Variants in ENTPD1 observed in about 807,000 individuals in gnomAD.
ENTPD1 encodes the protein ATP diphosphohydrolase.
ENTPD1 carries 33 observed loss-of-function variants against 57.0 expected under a neutral mutation model. The observed-to-expected ratio is 0.58, with a 90% CI of 0.44 to 0.77. The LOEUF (loss-of-function observed/expected upper bound fraction) is 0.77, where lower values mean the gene tolerates loss of function less well. ENTPD1 is among the 30% of genes least tolerant of loss of function. The pLI, the probability that ENTPD1 is intolerant of heterozygous loss-of-function variation, is 0.00. For synonymous variants in ENTPD1, 202 were observed against 218.8 expected, an observed-to-expected ratio of 0.92 and a Z score of 0.68; for missense variants, 501 against 603.4, an observed-to-expected ratio of 0.83 and a Z score of 1.78.
At chr10:95,737,555 T>C (rs562361632) in intron 1 of ENTPD1, among the ~76,000 whole-genome samples, 1 of 152,072 alleles carries the variant, frequency 6.6e-6, no homozygotes, top group African/African-American at 2.4e-5. Context: ...TGGCTAATTT[T>C]TTTGTATTTT....
chr10:95,710,115 C>A (rs1250569412), upstream of ENTPD1, among the ~76,000 whole-genome samples: 2 of 150,300 alleles, frequency 1.3e-5, no homozygotes, highest in African/African-American at 2.4e-5. Context: ...TTTATAATAA[C>A]CATGATAGGC....
chr10:95,871,717 C>T lies in ENTPD1; in HGVS notation c.*5334C>T. 1.0e-6 allele frequency: 1 copy of T among 985,336 alleles called. No homozygotes were observed. Among genetic ancestry groups the T allele is most frequent in the Non-Finnish European group, 1.2e-6 (1 of 829,838 alleles). The allele number at this position is 985,336 out of a possible 1,614,324, so 61.0% of individuals were successfully genotyped here. A position where few individuals can be genotyped will look rare whatever the true frequency, so the allele number is the denominator to read the frequency against. On this transcript the variant is annotated 3_prime_UTR_variant, in exon 10 of 10. Coordinates refer to ENST00000371205, the MANE Select transcript of ENTPD1 (RefSeq NM_001776.6). ...ATAAATTGACACTATAATCAACTGA[C>T]ACCATGATCAGTGATGATGATCACC...
Position 95,711,812 on chromosome 10 carries a change from T to C in ENTPD1, c.-145T>C, listed in dbSNP as rs2097965809. ...GTAAAATTATGATCAAATAAATTTG[T>C]ATGCCTTTTCTCCTATTAACCTGCC... is the stretch of plus-strand genomic sequence containing the variant. On this transcript the variant is annotated 5_prime_UTR_variant, in exon 1 of 10. Coordinates refer to the ENTPD1 transcript ENST00000453258. 3.7e-6 allele frequency: 4 copies of C among 1,081,380 alleles called. No individual in the cohort carries two copies. The East Asian group carries it at 7.2e-5, about 20-fold the overall frequency. 67.0% of individuals were successfully genotyped at this position (1,081,380 alleles called of 1,614,324 possible). A position where few individuals can be genotyped will look rare whatever the true frequency, so the allele number is the denominator to read the frequency against.
chr10:95,787,038 A>G (rs1397108503), intron 1 of ENTPD1, among the ~76,000 whole-genome samples: 1 of 152,190 alleles, frequency 6.6e-6, no homozygotes, highest in Non-Finnish European at 1.5e-5. Context: ...CAGAGCTAGT[A>G]ACCTCGAGGT....
chr10:95,710,428 C>T (rs192566007), upstream of ENTPD1, among the ~76,000 whole-genome samples: 20 of 152,066 alleles, frequency 1.3e-4, no homozygotes, highest in Admixed American at 1.2e-3. Flanking sequence ...TAATGATACT[C>T]ATGATTAAAA....
intron 1 of ENTPD1, among the ~76,000 whole-genome samples, chr10:95,803,724 A>T (rs2098260373): frequency 6.6e-6 from 1 of 152,132 alleles, no homozygotes; most frequent in African/African-American, 2.4e-5. Flanking sequence ...CCATTTGTCC[A>T]TTTTGGCTTT....
intron 1 of ENTPD1, among the ~76,000 whole-genome samples, chr10:95,774,112 G>T (rs1433919858): frequency 4.6e-5 from 7 of 152,274 alleles, no homozygotes; most frequent in African/African-American, 1.7e-4. Context: ...TAATGTGTCT[G>T]TTGGCTGCAT....
chr10:95,861,026 C>A (rs994692175), intron 8 of ENTPD1, among the ~76,000 whole-genome samples: 3 of 152,234 alleles, frequency 2.0e-5, no homozygotes, highest in Non-Finnish European at 4.4e-5. Context: ...ACTCAGCAGT[C>A]TTCCCCTTAT....
At chr10:95,761,983 C>T (rs1001546073) in intron 1 of ENTPD1, among the ~76,000 whole-genome samples, 1 of 151,928 alleles carries the variant, frequency 6.6e-6, no homozygotes, top group African/African-American at 2.4e-5. Flanking sequence ...CAGAGAGAAC[C>T]GATGGAATTT....
At chr10:95,766,528 C>T (rs1353390379) in intron 1 of ENTPD1, among the ~76,000 whole-genome samples, 4 of 152,052 alleles carry the variant, frequency 2.6e-5, no homozygotes, top group Non-Finnish European at 5.9e-5. Flanking sequence ...GTCTATTTAC[C>T]TCTACTCATA....
rs931399996 is a variant in ENTPD1, at chr10:95,869,809, G to A, written c.*3426G>A. ...CAACTAAATCCAAAATACTATCAAG[G>A]AATCAATATAAAAATTGTTAATATT... On this transcript the variant is annotated 3_prime_UTR_variant, in exon 10 of 10. Transcript: ENST00000371205. The A allele has an allele frequency of 2.2e-4, 157 of 710,716 alleles. No individual in the cohort carries two copies. Among genetic ancestry groups the A allele is most frequent in the Middle Eastern group, 7.4e-4 (1 of 1,354 alleles). The allele number at this position is 710,716 out of a possible 1,614,324, so 44.0% of individuals were successfully genotyped here.
chr10:95,729,762 T>TA (rs962834996), intron 1 of ENTPD1, among the ~76,000 whole-genome samples: 6 of 152,212 alleles, frequency 3.9e-5, no homozygotes, highest in African/African-American at 1.4e-4. Context: ...GTGGTACATT[T>TA]AAAAACAATC....
In ENTPD1 at chr10:95,827,445, ACT is replaced by A. The variant is rs371460180; in HGVS notation, c.144+4084_144+4085del. Among the ~76,000 whole-genome samples, 115 of 149,734 alleles carry A rather than the reference ACT, an allele frequency of 7.7e-4. 2 individuals are homozygous for A. The East Asian group carries it at 0.019, about 25-fold the overall frequency. The stretch of plus-strand genomic sequence containing the variant: ...ACTCTAGCCTGGGTGACAGAGCAAG[ACT>A]CTGTCTCAAAAAAAAAAAAATTTCG... On this transcript the variant is annotated intron_variant, in intron 2 of 9. Transcript: ENST00000371205.
intron 4 of ENTPD1, 78 bp downstream of exon 4, chr10:95,842,572 G>T: frequency 1.3e-6 from 2 of 1,506,358 alleles, no homozygotes; most frequent in Non-Finnish European, 9.0e-7. Flanking sequence ...TATGGGAAAG[G>T]GCCACACTCC....
At chr10:95,730,602 A>G (rs533527105) in intron 1 of ENTPD1, among the ~76,000 whole-genome samples, 1 of 152,360 alleles carries the variant, frequency 6.6e-6, no homozygotes, top group African/African-American at 2.4e-5. Flanking sequence ...TAGAATGCAG[A>G]TTTTTGGTGA....
At chr10:95,731,681 C>T (rs1566093284) in intron 1 of ENTPD1, among the ~76,000 whole-genome samples, 2 of 151,980 alleles carry the variant, frequency 1.3e-5, no homozygotes, top group African/African-American at 4.8e-5. Context: ...ACCTGTTTCC[C>T]AGGGGGTCCC....
intron 2 of ENTPD1, among the ~76,000 whole-genome samples, chr10:95,832,979 T>C (rs1397285636): frequency 2.0e-5 from 3 of 152,244 alleles, no homozygotes; most frequent in African/African-American, 7.2e-5. Context: ...CTGCAGGATT[T>C]CCAGCTTCTG....
chr10:95,709,896 C>A (rs34037152), upstream of ENTPD1, among the ~76,000 whole-genome samples: 1 of 151,710 alleles, frequency 6.6e-6, no homozygotes, highest in Non-Finnish European at 1.5e-5. Context: ...CCCGGCCCCC[C>A]CCACCAGTAG....
intron 1 of ENTPD1, among the ~76,000 whole-genome samples, chr10:95,818,141 G>A (rs879489332): frequency 3.5e-4 from 53 of 152,300 alleles, no homozygotes; most frequent in Non-Finnish European, 7.6e-4. Flanking sequence ...TGGAGAATGA[G>A]GGGAATGGAA....
Sources: gnomAD v4.1 joint callset for allele counts (sites outside exome capture counted in the v4.1 genomes callset) on GRCh38, gnomAD v4.1.1 for gene constraint, MANE v1.5 for transcripts, NCBI Gene and HGNC (gene_info 2026-07-23, HGNC 2026-07-21) for gene names.